SASH1: variants seen among roughly 807,000 people sequenced by gnomAD.
SASH1 encodes the protein SAM and SH3 domain-containing protein 1.
A neutral mutation model predicts 125.2 loss-of-function variants in SASH1; 44 were observed. That is an observed-to-expected ratio of 0.35 (90% CI 0.28 to 0.45). The LOEUF (loss-of-function observed/expected upper bound fraction) is 0.45, where lower values mean the gene tolerates loss of function less well. Among genes scored for constraint, SASH1 ranks in the 20% least tolerant of loss-of-function variants. The probability of loss-of-function intolerance (pLI) is 1.00; values close to 1 mark genes in which losing one functional copy is unlikely to be tolerated. For synonymous variants in SASH1, 639 were observed against 649.1 expected, an observed-to-expected ratio of 0.98 and a Z score of 0.24; for missense variants, 1,426 against 1,614.5, an observed-to-expected ratio of 0.88 and a Z score of 2.00.
intron 1 of SASH1, among the ~76,000 whole-genome samples, chr6:148,331,315 C>A (rs2114602379): frequency 6.6e-6 from 1 of 152,058 alleles, no homozygotes; most frequent in Non-Finnish European, 1.5e-5. Flanking sequence ...AATTCCCAGG[C>A]AGAACTTGTG....
chr6:148,395,503 A>G lies in SASH1; in HGVS notation c.285+5241A>G, dbSNP rs74653046. The stretch of plus-strand genomic sequence containing the variant: ...TGATAAAGTGTCTTTGGGGCCAGTT[A>G]GTTTTGGTGAAGACAACAGAGAGTA... On this transcript the variant is annotated intron_variant, in intron 2 of 19. Coordinates refer to ENST00000367467, the MANE Select transcript of SASH1 (RefSeq NM_015278.5). Among the ~76,000 whole-genome samples the G allele has an allele frequency of 3.5e-3, 534 of 152,372 alleles. 3 individuals are homozygous for G. The highest frequency in any genetic ancestry group is 0.011 in the African/African-American group (457 of 41,588).
upstream of SASH1, among the ~76,000 whole-genome samples, chr6:148,270,208 T>G (rs916363451): frequency 6.6e-6 from 1 of 152,154 alleles, no homozygotes; most frequent in African/African-American, 2.4e-5. Flanking sequence ...ACAGGGCTAG[T>G]TAGTGGCAGC....
intron 17 of SASH1, 134 bp from the exon 18 acceptor site, chr6:148,543,546 A>AT: frequency 1.4e-6 from 1 of 693,074 alleles, no homozygotes; most frequent in Non-Finnish European, 2.3e-6. Context: ...ATAAATGGTG[A>AT]TTTTATGTTT....
chr6:148,354,318 T>C (rs1781844867), intron 1 of SASH1, among the ~76,000 whole-genome samples: 1 of 152,228 alleles, frequency 6.6e-6, no homozygotes, highest in Non-Finnish European at 1.5e-5. Context: ...TTAGTTTTTT[T>C]ATGTGTCTAA....
At chr6:148,441,523 A>G (rs1343823782) in intron 4 of SASH1, among the ~76,000 whole-genome samples, 5 of 152,168 alleles carry the variant, frequency 3.3e-5, no homozygotes, top group Non-Finnish European at 7.3e-5. Flanking sequence ...CCAGGAACCT[A>G]GTAATATGGA....
the SASH1 span, among the ~76,000 whole-genome samples, chr6:148,217,591 C>A: frequency 6.6e-6 from 1 of 152,074 alleles, no homozygotes; most frequent in Non-Finnish European, 1.5e-5. Context: ...CTAAAGCCCA[C>A]CAGCCTTACA....
chr6:148,279,245 C>T lies in SASH1; in HGVS notation n.74+6868C>T, dbSNP rs150156726. ...AGCTCAAGCAATCCGCCTACCTCGG[C>T]CCCCAAAAGTGCTAGGATTACAGAC... On this transcript the variant is annotated intron_variant and non_coding_transcript_variant, in intron 1 of 3. Coordinates refer to the SASH1 transcript ENST00000367469. Among the ~76,000 whole-genome samples, 221 of 152,250 alleles carry T rather than the reference C, an allele frequency of 1.5e-3. 1 individual carries two copies. Among genetic ancestry groups the T allele is most frequent in the African/African-American group, 5.2e-3 (216 of 41,552 alleles).
At chr6:148,327,873 G>A (rs1780875639) in intron 1 of SASH1, among the ~76,000 whole-genome samples, 1 of 150,468 alleles carries the variant, frequency 6.6e-6, no homozygotes, top group South Asian at 2.1e-4. Flanking sequence ...CCCAGGAGGT[G>A]GAGTTTGCAG....
upstream of SASH1, among the ~76,000 whole-genome samples, chr6:148,267,820 G>A (rs533758139): frequency 4.6e-5 from 7 of 152,258 alleles, no homozygotes; most frequent in African/African-American, 1.4e-4. Context: ...CCTTCGAAGG[G>A]AAGGGGGCGT....
intron 4 of SASH1, among the ~76,000 whole-genome samples, chr6:148,447,643 C>T (rs1776856427): frequency 6.6e-6 from 1 of 151,496 alleles, no homozygotes; most frequent in African/African-American, 2.4e-5. Flanking sequence ...CCTCCTCCTC[C>T]TCCTTTTCCT....
At chr6:148,513,286 G>C (rs916423829) in intron 8 of SASH1, 28 of 985,316 alleles carry the variant, frequency 2.8e-5, no homozygotes, top group Non-Finnish European at 2.9e-5. Flanking sequence ...AGGAAATGGA[G>C]AGAAGGTTGT....
At position 148,394,527 on chromosome 6, in the gene SASH1, C is replaced by T. The variant is rs557792010; in HGVS notation, c.285+4265C>T. On this transcript the variant is annotated intron_variant, in intron 2 of 19. Transcript: ENST00000367467. ...ATTTCTAATCTTTCAATTCTGCCTTCAGACAAGTAAACAATATGCCTTCCC... is the reference window on the plus strand; with the variant it reads ...ATTTCTAATCTTTCAATTCTGCCTTTAGACAAGTAAACAATATGCCTTCCC... Among the ~76,000 whole-genome samples the T allele has an allele frequency of 2.0e-5, 3 of 152,314 alleles. No homozygotes were observed. The South Asian group carries it at 6.2e-4, about 32-fold the overall frequency.
At chr6:148,260,819 T>TGA in the SASH1 span, among the ~76,000 whole-genome samples, 4 of 130,346 alleles carry the variant, frequency 3.1e-5, no homozygotes, top group Non-Finnish European at 5.0e-5. Context: ...TTTTTTTTTT[T>TGA]GAGAGAGGGT....
chr6:148,313,833 C>T (rs577347820), intron 1 of SASH1, among the ~76,000 whole-genome samples: 116 of 152,294 alleles, frequency 7.6e-4, no homozygotes, highest in African/African-American at 2.5e-3. Context: ...GAACACATTG[C>T]ATTAATTCCT....
At chr6:148,322,607 T>A (rs960470154) in intron 1 of SASH1, among the ~76,000 whole-genome samples, 10 of 152,188 alleles carry the variant, frequency 6.6e-5, no homozygotes, top group African/African-American at 2.4e-4. Context: ...AAATGCATGC[T>A]CAGCTGACGT....
At chr6:148,539,711 T>C (rs139468969) in intron 16 of SASH1, among the ~76,000 whole-genome samples, 2 of 152,252 alleles carry the variant, frequency 1.3e-5, no homozygotes, top group African/African-American at 4.8e-5. Context: ...CTTTTACTTA[T>C]ATGCAGGAGA....
chr6:148,298,919 A>C (rs1441776353), intron 1 of SASH1, among the ~76,000 whole-genome samples: 1 of 152,146 alleles, frequency 6.6e-6, no homozygotes, highest in Non-Finnish European at 1.5e-5. Flanking sequence ...GAAGGAAGGA[A>C]AAGAAAGACT....
At chr6:148,298,599 C>T (rs990035118) in intron 1 of SASH1, among the ~76,000 whole-genome samples, 13 of 146,476 alleles carry the variant, frequency 8.9e-5, no homozygotes, top group Admixed American at 1.4e-4. Context: ...TATGATCATG[C>T]CACTGCATTC....
chr6:148,514,562 A>C, intron 9 of SASH1, 106 bp downstream of exon 9: 1 of 1,308,048 alleles, frequency 7.6e-7, no homozygotes. Context: ...TACGATTTCA[A>C]GTGGAAAATG....
Sources: gnomAD v4.1 joint callset for allele counts (sites outside exome capture counted in the v4.1 genomes callset) on GRCh38, gnomAD v4.1.1 for gene constraint, MANE v1.5 for transcripts, NCBI Gene and HGNC (gene_info 2026-07-23, HGNC 2026-07-21) for gene names.